Variants in AIFM2 observed in about 807,000 individuals in gnomAD.
AIFM2 encodes AIF family member 2, ferroptosis suppressor, also known as ferroptosis suppressor protein 1.
AIFM2 carries 38 observed loss-of-function variants against 35.7 expected under a neutral mutation model. The observed-to-expected ratio is 1.06, with a 90% CI of 0.82 to 1.39. The LOEUF (loss-of-function observed/expected upper bound fraction) is 1.39. AIFM2 is among the 40% of genes most tolerant of loss of function. The pLI is 0.00. For missense variants in AIFM2, 476 were observed against 491.2 expected (o/e 0.97, Z 0.29); for synonymous variants, 185 against 203.5 (o/e 0.91, Z 0.77).
At chr10:70,120,473 A>G (rs778541921) in intron 5 of AIFM2, 34 bp downstream of exon 5, 21 of 1,610,186 alleles carry the variant, frequency 1.3e-5, no homozygotes, top group Non-Finnish European at 1.7e-5. Flanking sequence ...AAAGCCAACC[A>G]CTTAGAGCTC....
At chr10:70,120,898 G>T (rs562153590) in intron 4 of AIFM2, among the ~76,000 whole-genome samples, 194 bp downstream of exon 4, 1 of 152,288 alleles carries the variant, frequency 6.6e-6, no homozygotes, top group African/African-American at 2.4e-5. Context: ...CAGGTTTAGG[G>T]TGCTCACATC....
At position 70,113,975 on chromosome 10, in the gene AIFM2, A is replaced by C; in HGVS notation, c.*203T>G. ...CAGCAAGCACACCTTCCAAACCCAGAAAGTATCCTCTAAGGGGGGTATTTG... is the reference window on the plus strand; with the variant it reads ...CAGCAAGCACACCTTCCAAACCCAGCAAGTATCCTCTAAGGGGGGTATTTG... On this transcript the variant is annotated 3_prime_UTR_variant, in exon 9 of 9. Coordinates refer to ENST00000307864, the MANE Select transcript of AIFM2 (RefSeq NM_032797.6). 1.5e-6 allele frequency: 1 copy of C among 656,504 alleles called. No individual in the cohort carries two copies. Among genetic ancestry groups the C allele is most frequent in the Admixed American group, 3.2e-5 (1 of 30,812 alleles). 40.7% of individuals were successfully genotyped at this position (656,504 alleles called of 1,614,324 possible). A position where few individuals can be genotyped will look rare whatever the true frequency, so the allele number is the denominator to read the frequency against.
chr10:70,116,376 T>C (rs2136652681), intron 7 of AIFM2, among the ~76,000 whole-genome samples: 1 of 152,342 alleles, frequency 6.6e-6, no homozygotes, highest in East Asian at 1.9e-4. Flanking sequence ...TTCCCATCTC[T>C]TACCACTAGG....
intron 7 of AIFM2, among the ~76,000 whole-genome samples, chr10:70,116,288 G>T (rs899022428): frequency 1.3e-5 from 2 of 152,234 alleles, no homozygotes; most frequent in African/African-American, 4.8e-5. Context: ...AGAGAGGAAG[G>T]CCTGACCCTG....
At chr10:70,116,800 G>A (rs1564551359) in intron 6 of AIFM2, 26 bp from the exon 7 acceptor site, 1 of 1,612,150 alleles carries the variant, frequency 6.2e-7, no homozygotes. Context: ...TGACCAGGAG[G>A]CTGGTGGGGA....
In AIFM2 at chr10:70,127,938, G is replaced by C. The variant is rs183145062; in HGVS notation, c.-13-3841C>G. Among the ~76,000 whole-genome samples the C allele has an allele frequency of 6.7e-3, 1,014 of 152,318 alleles. 10 individuals carry two copies. The highest frequency in any genetic ancestry group is 0.023 in the African/African-American group (962 of 41,566). On this transcript the variant is annotated intron_variant, in intron 1 of 8. Coordinates refer to ENST00000307864, the MANE Select transcript of AIFM2 (RefSeq NM_032797.6). Reference sequence around the variant, plus strand: ...CCCTGCCACGCTTACTTGTGGAATAGGGAGGCCAGTGACTCTCCAGCAGAT... The same window carrying C: ...CCCTGCCACGCTTACTTGTGGAATACGGAGGCCAGTGACTCTCCAGCAGAT...
At position 70,123,466 on chromosome 10, in the gene AIFM2, C is replaced by T. The variant is rs1222568105; in HGVS notation, c.233G>A (p.Arg78Gln). 2.2e-5 allele frequency: 35 copies of T among 1,614,040 alleles called. No homozygotes were observed. The highest frequency in any genetic ancestry group is 4.4e-5 in the South Asian group (4 of 91,082). Residue 78 changes from arginine (R) to glutamine (Q), a missense_variant, in exon 3 of 9, where the codon CGG (arginine) becomes CAG (glutamine). By Grantham distance (43) the Arg-to-Gln change is conservative (BLOSUM62 1). Coordinates refer to ENST00000307864, the MANE Select transcript of AIFM2 (RefSeq NM_032797.6). ...GTCTATCCCCACTACTAGCCCCTGC[C>T]GGAAGTTGTCCTTGAAAGTCACCGA... ...SYSVTFKDNF[R>Q]QGLVVGIDLK...
chr10:70,117,900 T>C lies in AIFM2; in HGVS notation c.528A>G (p.Gln176=). ...PEKEVTLIHS[Q]VALADKELLP... ...GGAGCTCCTTGTCAGCCAGGGCCAC[T>C]TGGGAGTGAATGAGAGTGACCTGAG... is the stretch of plus-strand genomic sequence containing the variant. The change falls in exon 6 of 9, where the codon CAA becomes CAG. Residue 176 remains glutamine (Q), a synonymous_variant. Coordinates refer to ENST00000307864, the MANE Select transcript of AIFM2 (RefSeq NM_032797.6). This position sits in a 1 kb window ranked among gnomAD's most constrained non-coding sequence, Gnocchi z 4.7. 1 of 1,608,038 alleles carries C rather than the reference T, an allele frequency of 6.2e-7. No homozygotes were observed.
chr10:70,127,607 G>T (rs1016543112), intron 1 of AIFM2, among the ~76,000 whole-genome samples: 1 of 152,178 alleles, frequency 6.6e-6, no homozygotes, highest in Non-Finnish European at 1.5e-5. Context: ...CCCTTCATGG[G>T]GTTTCCTCCA....
intron 3 of AIFM2, among the ~76,000 whole-genome samples, chr10:70,121,467 G>T (rs1230163579): frequency 6.6e-6 from 1 of 152,034 alleles, no homozygotes; most frequent in African/African-American, 2.4e-5. Flanking sequence ...GAGAATGTGG[G>T]GGCAACTGGA....
intron 1 of AIFM2, among the ~76,000 whole-genome samples, chr10:70,126,685 T>C (rs957920198): frequency 2.0e-5 from 3 of 152,212 alleles, no homozygotes; most frequent in African/African-American, 4.8e-5. Context: ...CCCACACTTA[T>C]GGGGCAGCTT....
chr10:70,114,939 A>C lies in AIFM2; in HGVS notation c.951T>G (p.Pro317=), dbSNP rs1456681062. 1.9e-6 allele frequency: 3 copies of C among 1,613,964 alleles called. No homozygotes were observed. The Admixed American group carries it at 5.0e-5, about 27-fold the overall frequency. ...TCTTACCCGGCTTGTAGGCCTGGAG[A>C]GGCCGCTGCTTCACAGAGTTGACGA... ...ANIVNSVKQR[P]LQAYKPGALT... The change falls in exon 8 of 9, where the codon CCT becomes CCG. Residue 317 remains proline, a synonymous_variant. Transcript: ENST00000307864.
At chr10:70,114,874 A>G (rs1179792630) in intron 8 of AIFM2, 46 bp downstream of exon 8, 3 of 1,599,468 alleles carry the variant, frequency 1.9e-6, no homozygotes, top group Non-Finnish European at 2.6e-6. Context: ...CCCATGTTTA[A>G]CCCCAAACTC....
At position 70,127,811 on chromosome 10, in the gene AIFM2, C is replaced by G. The variant is rs12242390; in HGVS notation, c.-13-3714G>C. Among the ~76,000 whole-genome samples, 483 of 152,364 alleles carry G rather than the reference C, an allele frequency of 3.2e-3. 2 individuals are homozygous for G. The highest frequency in any genetic ancestry group is 0.011 in the African/African-American group (467 of 41,588). On this transcript the variant is annotated intron_variant, in intron 1 of 8. Transcript: ENST00000307864. The stretch of plus-strand genomic sequence containing the variant: ...AGGGCCTGGGGCCTGAGGGGACACC[C>G]AGACCAGAGCAGGGCCAGGGAGGGG...
intron 4 of AIFM2, 114 bp from the exon 5 acceptor site, chr10:70,120,713 C>T: frequency 8.4e-7 from 1 of 1,184,160 alleles, no homozygotes; most frequent in South Asian, 1.2e-5. Context: ...GCAGAGAACC[C>T]TTTCCACATT....
At chr10:70,132,208 G>A (rs933996319) in intron 1 of AIFM2, among the ~76,000 whole-genome samples, 2 of 152,310 alleles carry the variant, frequency 1.3e-5, no homozygotes, top group East Asian at 1.9e-4. Flanking sequence ...AGGGCTTCGG[G>A]AAGGGAGAAG....
intron 1 of AIFM2, among the ~76,000 whole-genome samples, chr10:70,127,412 C>G (rs2072580460): frequency 6.6e-6 from 1 of 152,176 alleles, no homozygotes; most frequent in Non-Finnish European, 1.5e-5. Context: ...AGGGGGCCTT[C>G]CTAGCAGAGG....
At chr10:70,127,834 G>A (rs1260340538) in intron 1 of AIFM2, among the ~76,000 whole-genome samples, 1 of 152,212 alleles carries the variant, frequency 6.6e-6, no homozygotes, top group Non-Finnish European at 1.5e-5. Context: ...GGCCAGGGAG[G>A]GGAGGCACTT....
At chr10:70,121,002 C>G in intron 4 of AIFM2, 90 bp downstream of exon 4, 1 of 1,529,250 alleles carries the variant, frequency 6.5e-7, no homozygotes, top group Non-Finnish European at 8.7e-7. Flanking sequence ...CTCTGAGTAA[C>G]CCCGTGGCCT....
Sources: allele counts gnomAD v4.1 joint callset (sites outside exome capture counted in the v4.1 genomes callset), GRCh38; gene constraint gnomAD v4.1.1; non-coding constraint Gnocchi (gnomAD v3.1); transcripts MANE v1.5; gene names NCBI Gene and HGNC (gene_info 2026-07-23, HGNC 2026-07-21).